The following HPSE2 variants were observed in gnomAD, a reference collection of about 807,000 sequenced individuals.
HPSE2 encodes the protein inactive heparanase-2.
HPSE2 carries 38 observed loss-of-function variants against 60.5 expected under a neutral mutation model. The ratio of observed to expected loss-of-function variants is 0.63; its 90% CI spans 0.48 to 0.82. The LOEUF (loss-of-function observed/expected upper bound fraction) is 0.82, where lower values mean the gene tolerates loss of function less well. HPSE2 is among the 40% of genes least tolerant of loss of function. The pLI is 0.00. For missense variants in HPSE2, 713 were observed against 740.4 expected (o/e 0.96, Z 0.43); for synonymous variants, 295 against 293.2 (o/e 1.01, Z -0.06).
intron 9 of HPSE2, among the ~76,000 whole-genome samples, chr10:98,521,892 C>T (rs1025855049): frequency 1.3e-5 from 2 of 151,910 alleles, no homozygotes; most frequent in Non-Finnish European, 2.9e-5. Context: ...GACAGAAAAC[C>T]AAATACCACA....
At chr10:98,767,214 C>T (rs1454767695) in intron 3 of HPSE2, among the ~76,000 whole-genome samples, 4 of 152,030 alleles carry the variant, frequency 2.6e-5, no homozygotes, top group South Asian at 2.1e-4. Context: ...GAGACAAGAA[C>T]AAGAATTTTG....
chr10:98,957,537 A>G (rs1206051330), intron 3 of HPSE2, among the ~76,000 whole-genome samples: 2 of 152,230 alleles, frequency 1.3e-5, no homozygotes. Context: ...CATGCCCATT[A>G]TGATAGGAAG....
chr10:98,735,079 A>G (rs551037396), intron 4 of HPSE2, among the ~76,000 whole-genome samples: 2 of 152,178 alleles, frequency 1.3e-5, no homozygotes, highest in South Asian at 4.1e-4. Context: ...AAGGTGCAAA[A>G]TGTCATGTAT....
intron 3 of HPSE2, among the ~76,000 whole-genome samples, chr10:98,890,793 T>C (rs1953313780): frequency 6.6e-6 from 1 of 152,186 alleles, no homozygotes; most frequent in African/African-American, 2.4e-5. Context: ...ACCGATACTG[T>C]GCACACAGGA....
chr10:98,927,204 G>A lies in HPSE2; in HGVS notation c.611-183148C>T, dbSNP rs185069147. ...TGATCTGTCTAATGTTGACAGTGGG[G>A]TGTTACAGTCTCCCATTATTAATGT... On this transcript the variant is annotated intron_variant, in intron 3 of 11. Coordinates refer to ENST00000370552, the MANE Select transcript of HPSE2 (RefSeq NM_021828.5). Among the ~76,000 whole-genome samples the A allele has an allele frequency of 8.0e-4, 122 of 152,190 alleles. 1 individual carries two copies. The Middle Eastern group carries it at 0.024, about 30-fold the overall frequency.
At chr10:99,262,138 A>G in the HPSE2 span, among the ~76,000 whole-genome samples, 1 of 152,140 alleles carries the variant, frequency 6.6e-6, no homozygotes, top group Non-Finnish European at 1.5e-5. Flanking sequence ...AGTGGAGGGT[A>G]AGCCTGTCCC....
rs1479370498 is a variant in HPSE2, at chr10:98,843,379, G to T, written c.611-99323C>A. Among the ~76,000 whole-genome samples, 4 of 152,196 alleles carry T rather than the reference G, an allele frequency of 2.6e-5. No individual in the cohort carries two copies. In the East Asian group the frequency reaches 5.8e-4, roughly 22 times the overall value. Reference sequence around the variant, plus strand: ...CTCAAACTTAAAATTCTAGATTGGGGTATACAGGAAATGGTTGGTATTAGG... The same window carrying T: ...CTCAAACTTAAAATTCTAGATTGGGTTATACAGGAAATGGTTGGTATTAGG... On this transcript the variant is annotated intron_variant, in intron 3 of 11. Coordinates refer to ENST00000370552, the MANE Select transcript of HPSE2 (RefSeq NM_021828.5).
intron 3 of HPSE2, among the ~76,000 whole-genome samples, chr10:99,118,251 T>C (rs1844787352): frequency 6.6e-6 from 1 of 152,008 alleles, no homozygotes; most frequent in African/African-American, 2.4e-5. Flanking sequence ...CAGCTGGGTG[T>C]GGTAGCTCAC....
intron 3 of HPSE2, among the ~76,000 whole-genome samples, chr10:98,902,656 A>G (rs1264930792): frequency 6.6e-6 from 1 of 152,112 alleles, no homozygotes; most frequent in Middle Eastern, 3.2e-3. Context: ...TACACATGTG[A>G]TTGCATTTAG....
intron 4 of HPSE2, among the ~76,000 whole-genome samples, chr10:98,734,063 T>C (rs1013574950): frequency 6.6e-6 from 1 of 152,174 alleles, no homozygotes; most frequent in Non-Finnish European, 1.5e-5. Context: ...TCCGTCTCTG[T>C]AGATTTGTCT....
intron 9 of HPSE2, among the ~76,000 whole-genome samples, chr10:98,509,907 A>G (rs557004613): frequency 1.2e-3 from 186 of 151,964 alleles, no homozygotes; most frequent in African/African-American, 4.4e-3. Flanking sequence ...TGCCCCTCCT[A>G]TCCCAACCTC....
intron 3 of HPSE2, among the ~76,000 whole-genome samples, chr10:99,030,202 A>G (rs1225551564): frequency 6.6e-6 from 1 of 152,234 alleles, no homozygotes; most frequent in Non-Finnish European, 1.5e-5. Context: ...ATATAATCGT[A>G]TCTAAGATCT....
intron 3 of HPSE2, among the ~76,000 whole-genome samples, chr10:99,051,232 G>A (rs1243758826): frequency 1.3e-5 from 2 of 152,086 alleles, no homozygotes; most frequent in Non-Finnish European, 2.9e-5. Context: ...GCAGTGAGCC[G>A]AGATCGCGCC....
At chr10:98,773,481 A>G (rs1950281987) in intron 3 of HPSE2, among the ~76,000 whole-genome samples, 1 of 152,206 alleles carries the variant, frequency 6.6e-6, no homozygotes, top group Non-Finnish European at 1.5e-5. Context: ...GTAAACTCCA[A>G]TCTGCATGTG....
At chr10:99,286,548 G>C in the HPSE2 span, among the ~76,000 whole-genome samples, 7 of 152,222 alleles carry the variant, frequency 4.6e-5, no homozygotes, top group South Asian at 1.5e-3. Flanking sequence ...TGGGCGATGA[G>C]GGTTAGTGCT....
At chr10:98,565,344 G>C (rs1944312143) in intron 9 of HPSE2, among the ~76,000 whole-genome samples, 1 of 149,300 alleles carries the variant, frequency 6.7e-6, no homozygotes, top group Admixed American at 6.6e-5. Flanking sequence ...CCCCCTGACA[G>C]GGCCCGGAGT....
chr10:99,190,581 A>C (rs1168855517), intron 2 of HPSE2, among the ~76,000 whole-genome samples: 1 of 152,100 alleles, frequency 6.6e-6, no homozygotes, highest in East Asian at 1.9e-4. Flanking sequence ...TGACTTCCCA[A>C]AATATTCTCA....
chr10:99,178,135 T>A lies in HPSE2; in HGVS notation c.449-33736A>T, dbSNP rs576312603. Among the ~76,000 whole-genome samples the A allele has an allele frequency of 4.0e-5, 6 of 151,884 alleles. No homozygotes were observed. The East Asian group carries it at 1.2e-3, about 29-fold the overall frequency. ...GCTAAAGCAGTGTTTAGGAGGAAAT[T>A]TATAGCACTAAATGCCCACAGGAGA... On this transcript the variant is annotated intron_variant, in intron 2 of 11. Transcript: ENST00000370552.
the HPSE2 span, among the ~76,000 whole-genome samples, chr10:99,276,925 T>C: frequency 6.6e-6 from 1 of 152,218 alleles, no homozygotes. Flanking sequence ...AACTGCTGAT[T>C]GAAACCATTT....
Sources: allele counts gnomAD v4.1 joint callset (sites outside exome capture counted in the v4.1 genomes callset), GRCh38; gene constraint gnomAD v4.1.1; transcripts MANE v1.5; gene names NCBI Gene and HGNC (gene_info 2026-07-23, HGNC 2026-07-21).